The following AUTS2 variants were observed in gnomAD, a reference collection of about 807,000 sequenced individuals.
The protein encoded by AUTS2 is autism susceptibility gene 2 protein.
In AUTS2, 17 loss-of-function variants were observed where a neutral mutation model predicts 112.4. That is an observed-to-expected ratio of 0.15 (90% CI 0.10 to 0.23). The LOEUF is 0.23. Ranked by LOEUF, AUTS2 falls within the 10% of genes least tolerant of loss-of-function variation. The pLI, the probability that AUTS2 is intolerant of heterozygous loss-of-function variation, is 1.00. For synonymous variants in AUTS2, 751 were observed against 702.7 expected, an observed-to-expected ratio of 1.07 and a Z score of -1.09; for missense variants, 1,510 against 1,701.6, an observed-to-expected ratio of 0.89 and a Z score of 1.98.
At position 70,083,817 on chromosome 7, in the gene AUTS2, C is replaced by T. The variant is rs1370316562; in HGVS notation, c.523-34315C>T. 5.3e-5 allele frequency among the ~76,000 whole-genome samples: 8 copies of T among 152,056 alleles called. No individual in the cohort carries two copies. The South Asian group carries it at 1.0e-3, about 20-fold the overall frequency. On this transcript the variant is annotated intron_variant, in intron 2 of 18. Coordinates refer to ENST00000342771, the MANE Select transcript of AUTS2 (RefSeq NM_015570.4). ...TAAAAATTAGCTGGGTATGTTGGTT[C>T]GTATCTGTAGTCCCAGCTACTCAGG...
At chr7:70,083,559 T>C (rs1453864086) in intron 2 of AUTS2, among the ~76,000 whole-genome samples, 2 of 152,188 alleles carry the variant, frequency 1.3e-5, no homozygotes, top group Admixed American at 1.3e-4. Flanking sequence ...ACAACTTTAT[T>C]GAGATATAAT....
rs187928601 is a variant in AUTS2, at chr7:69,838,233, G to C, written c.310-61053G>C. On this transcript the variant is annotated intron_variant, in intron 1 of 18. Transcript: ENST00000342771. ...TTGCATGAAGTTAGAAGAATTTTGG[G>C]CTCTGAATATGAGATGACTTAGAGA... Among the ~76,000 whole-genome samples, 366 of 152,248 alleles carry C rather than the reference G, an allele frequency of 2.4e-3. 1 individual carries two copies. Among genetic ancestry groups the C allele is most frequent in the Middle Eastern group, 0.01 (3 of 294 alleles).
At chr7:70,497,386 C>T (rs952203042) in intron 5 of AUTS2, among the ~76,000 whole-genome samples, 2 of 152,210 alleles carry the variant, frequency 1.3e-5, no homozygotes, top group Non-Finnish European at 2.9e-5. Flanking sequence ...AGACAGGTTG[C>T]TTTATCTAGG....
At chr7:70,058,529 A>C (rs568140363) in intron 2 of AUTS2, among the ~76,000 whole-genome samples, 26 of 152,184 alleles carry the variant, frequency 1.7e-4, no homozygotes, top group African/African-American at 6.0e-4. Flanking sequence ...AATTCTTACA[A>C]TCTCTTTAAA....
At chr7:70,045,489 A>G (rs926118701) in intron 2 of AUTS2, among the ~76,000 whole-genome samples, 1 of 152,072 alleles carries the variant, frequency 6.6e-6, no homozygotes, top group African/African-American at 2.4e-5. Context: ...CATCAAAATT[A>G]ATTTTATACC....
At chr7:70,738,342 A>G (rs1569076) in intron 6 of AUTS2, among the ~76,000 whole-genome samples, 51 of 151,058 alleles carry the variant, frequency 3.4e-4, no homozygotes, top group Non-Finnish European at 6.6e-4. Context: ...TGAAAAGGCT[A>G]TTAAGGCTTC....
intron 17 of AUTS2, 29 bp downstream of exon 17, chr7:70,786,067 C>T: frequency 5.0e-6 from 8 of 1,592,084 alleles, no homozygotes; most frequent in Non-Finnish European, 6.9e-6. Context: ...TAAAAATCTG[C>T]CTTGGACTTT....
At chr7:70,196,178 C>G (rs373026495) in intron 4 of AUTS2, among the ~76,000 whole-genome samples, 1 of 152,262 alleles carries the variant, frequency 6.6e-6, no homozygotes, top group African/African-American at 2.4e-5. Context: ...TAGTTAGAAG[C>G]AATGAAATTG....
intron 6 of AUTS2, chr7:70,699,347 A>G (rs1345777760): frequency 6.6e-6 from 1 of 152,190 alleles, no homozygotes; most frequent in Admixed American, 6.5e-5. Context: ...TCCACTGTCG[A>G]GCCTGATTTA....
intron 1 of AUTS2, among the ~76,000 whole-genome samples, chr7:69,863,065 G>A (rs1198476729): frequency 3.1e-5 from 4 of 127,758 alleles, no homozygotes; most frequent in South Asian, 2.4e-4. Context: ...CCAAAGATAC[G>A]AGGACTCGGG....
intron 5 of AUTS2, among the ~76,000 whole-genome samples, chr7:70,444,853 A>C (rs901495356): frequency 1.3e-5 from 2 of 152,128 alleles, no homozygotes; most frequent in African/African-American, 4.8e-5. Flanking sequence ...GGGTGGTTGT[A>C]GTACTCAAGG....
rs574533054 is a variant in AUTS2, at chr7:70,451,881, C to A, written c.690+16100C>A. Among the ~76,000 whole-genome samples, 31 of 152,310 alleles carry A rather than the reference C, an allele frequency of 2.0e-4. No individual in the cohort carries two copies. In the South Asian group the frequency reaches 5.0e-3, roughly 24 times the overall value. On this transcript the variant is annotated intron_variant, in intron 5 of 18. Coordinates refer to ENST00000342771, the MANE Select transcript of AUTS2 (RefSeq NM_015570.4). ...CTTAAGGAAACTGGAATGGAATCAG[C>A]CCCACAGCATGAACTGGGCCACCCA...
chr7:70,737,540 C>G (rs1258943029), intron 6 of AUTS2, among the ~76,000 whole-genome samples: 3 of 152,208 alleles, frequency 2.0e-5, no homozygotes, highest in Non-Finnish European at 4.4e-5. Flanking sequence ...GAGGAAGAGA[C>G]TATTGTGTCA....
At chr7:70,541,471 C>T (rs1800551447) in intron 5 of AUTS2, among the ~76,000 whole-genome samples, 1 of 152,210 alleles carries the variant, frequency 6.6e-6, no homozygotes, top group South Asian at 2.1e-4. Flanking sequence ...TATGTGCAAA[C>T]CACATTTATT....
intron 1 of AUTS2, among the ~76,000 whole-genome samples, chr7:69,742,657 G>C (rs562522554): frequency 6.6e-6 from 1 of 152,108 alleles, no homozygotes; most frequent in Admixed American, 6.6e-5. Context: ...TCTATCACTC[G>C]CTAGTTGTAT....
intron 2 of AUTS2, among the ~76,000 whole-genome samples, chr7:69,969,133 T>A (rs548130035): frequency 6.6e-6 from 1 of 152,290 alleles, no homozygotes; most frequent in South Asian, 2.1e-4. Context: ...AACTGAAAAC[T>A]GTACTCTGCC....
intron 1 of AUTS2, among the ~76,000 whole-genome samples, chr7:69,770,567 A>G (rs531291909): frequency 6.6e-6 from 1 of 152,084 alleles, no homozygotes; most frequent in South Asian, 2.1e-4. Context: ...AGTGAGCTAC[A>G]TGACATGTAG....
In AUTS2 at chr7:70,792,714, T is replaced by G. The variant is rs1320035195; in HGVS notation, c.*1718T>G. 2 of 152,480 alleles carry G rather than the reference T, an allele frequency of 1.3e-5. No individual in the cohort carries two copies. The highest frequency in any genetic ancestry group is 3.9e-4 in the East Asian group (2 of 5,180). The allele number at this position is 152,480 out of a possible 1,614,324, so 9.4% of individuals were successfully genotyped here. On this transcript the variant is annotated 3_prime_UTR_variant, in exon 19 of 19. Coordinates refer to ENST00000342771, the MANE Select transcript of AUTS2 (RefSeq NM_015570.4). ...TCAGTATTGTAAAGAGATTGTTCTA[T>G]ACGGACCTTTTTGCTGTTTATCCTG...
intron 5 of AUTS2, among the ~76,000 whole-genome samples, chr7:70,680,237 T>C (rs1005639704): frequency 6.6e-6 from 1 of 152,220 alleles, no homozygotes; most frequent in Non-Finnish European, 1.5e-5. Context: ...GAGACTATTC[T>C]CTGTTTATAC....
Sources: allele counts gnomAD v4.1 joint callset (sites outside exome capture counted in the v4.1 genomes callset), GRCh38; gene constraint gnomAD v4.1.1; transcripts MANE v1.5; gene names NCBI Gene and HGNC (gene_info 2026-07-23, HGNC 2026-07-21).